The following TTN variants were observed in gnomAD, a reference collection of about 807,000 sequenced individuals.
TTN encodes titin, also known as connectin.
In TTN, 1,525 loss-of-function variants were observed where a neutral mutation model predicts 3,223.0. That is an observed-to-expected ratio of 0.47 (90% confidence interval 0.45 to 0.49). TTN has a LOEUF of 0.49. Among genes scored for constraint, TTN ranks in the 20% least tolerant of loss-of-function variants. The probability of loss-of-function intolerance (pLI) is 0.00; values close to 1 mark genes in which losing one functional copy is unlikely to be tolerated. For missense variants in TTN, 40,786 were observed against 43,424.0 expected, an observed-to-expected ratio of 0.94 and a Z score of 5.40; for synonymous variants, 14,094 against 15,161.0, an observed-to-expected ratio of 0.93 and a Z score of 5.17.
intron 330 of TTN, chr2:178,556,477 T>G (rs1308204567): frequency 9.5e-6 from 2 of 210,796 alleles, no homozygotes; most frequent in African/African-American, 2.4e-5. Flanking sequence ...AACCAAAAAA[T>G]GAAGTCTCTG....
chr2:178,759,904 T>A (rs887613077), intron 43 of TTN, among the ~76,000 whole-genome samples: 1 of 152,188 alleles, frequency 6.6e-6, no homozygotes, highest in Non-Finnish European at 1.5e-5. Context: ...CTTAAAATAA[T>A]AGAAAGTAAA....
Position 178,538,590 on chromosome 2 carries a change from C to T in TTN, c.99239G>A (p.Gly33080Glu), listed in dbSNP as rs762905152. ...EFRVFAENET[G>E]LSRPRRTAMS... ...AGCAGTTCTGCGAGGTCTGCTCAGC[C>T]CAGTCTCATTCTCAGCAAAAACCCT... The change falls in exon 354 of 363, where the codon GGG (glycine) becomes GAG (glutamate). Residue 33080 changes from glycine to glutamate, a missense_variant. Gly to Glu is a moderately conservative substitution (Grantham distance 98). Transcript: ENST00000589042. The T allele has an allele frequency of 4.3e-5, 70 of 1,613,438 alleles. No homozygotes were observed. In the South Asian group the frequency reaches 7.4e-4, roughly 17 times the overall value.
In TTN at chr2:178,757,156, T is replaced by C. The variant is rs6754928; in HGVS notation, c.10679-359A>G. On this transcript the variant is annotated intron_variant, in intron 45 of 362. Coordinates refer to ENST00000589042, the MANE Select transcript of TTN (RefSeq NM_001267550.2). The stretch of plus-strand genomic sequence containing the variant: ...CTCTCCGTCCACTGTATGCTTTAAG[T>C]ACAGTAAGTAATACTGTACTTACTT... 1.1e-3 allele frequency among the ~76,000 whole-genome samples: 160 copies of C among 149,842 alleles called. 4 individuals carry two copies. The highest frequency in any genetic ancestry group is 1.8e-3 in the Non-Finnish European group (121 of 66,828).
chr2:178,728,903 G>A lies in TTN; in HGVS notation c.19135C>T (p.Leu6379Phe), dbSNP rs1448772446. 1.3e-6 allele frequency: 2 copies of A among 1,596,858 alleles called. No homozygotes were observed. Among genetic ancestry groups the A allele is most frequent in the Admixed American group, 1.7e-5 (1 of 58,576 alleles). Residue 6379 changes from leucine (L) to phenylalanine (F), a missense_variant, in exon 65 of 363, where the codon CTT becomes TTT. By Grantham distance (22) the Leu-to-Phe change is conservative. Transcript: ENST00000589042. Reference sequence around the variant, plus strand: ...ATAGCTTACAAACCTTGTACTAAAAGGAAAGCATAACACCTCTCAACTCCT... The same window carrying A: ...ATAGCTTACAAACCTTGTACTAAAAAGAAAGCATAACACCTCTCAACTCCT... ...ESGVERCYAF[L>F]LVQEPAQIVE...
At position 178,620,048 on chromosome 2, in the gene TTN, C is replaced by T. The variant is rs753664074; in HGVS notation, c.46369G>A (p.Glu15457Lys). The T allele has an allele frequency of 1.2e-5, 20 of 1,611,902 alleles. No homozygotes were observed. The Admixed American group carries it at 1.8e-4, about 15-fold the overall frequency. The stretch of plus-strand genomic sequence containing the variant: ...TCTACCCCGCAAGCATATTCACACT[C>T]ATCATCCAGCCTGCAATCTTTTATA... ...LIIKDCRLDD[E>K]CEYACGVEDR... Residue 15457 changes from glutamate to lysine, a missense_variant, in exon 249 of 363, where the codon GAG becomes AAG. By Grantham distance (56) the Glu-to-Lys change is moderately conservative. Transcript: ENST00000589042.
Position 178,561,742 on chromosome 2 carries a change from A to C in TTN, c.84390T>G (p.Cys28130Trp). 1 of 1,613,168 alleles carries C rather than the reference A, an allele frequency of 6.2e-7. No homozygotes were observed. Among genetic ancestry groups the C allele is most frequent in the Non-Finnish European group, 8.5e-7 (1 of 1,179,432 alleles). The stretch of plus-strand genomic sequence containing the variant: ...AGCTCTTTCCATAGCGGTTTTCTGC[A>C]CAAACACGGAACTGATACTCACTTC... ...TTGSEYQFRVCAENRYGKSSY... is the reference protein window; with the variant it reads ...TTGSEYQFRVWAENRYGKSSY... Residue 28130 changes from cysteine (C) to tryptophan (W), a missense_variant, in exon 326 of 363, where the codon TGT becomes TGG. Physicochemically the swap from Cys to Trp is radical, Grantham distance 215 (BLOSUM62 -2). Coordinates refer to ENST00000589042, the MANE Select transcript of TTN (RefSeq NM_001267550.2).
rs372067498 is a variant in TTN, at chr2:178,535,136, G to T, written c.101479C>A (p.Arg33827Ser). 1 of 1,613,598 alleles carries T rather than the reference G, an allele frequency of 6.2e-7. No individual in the cohort carries two copies. The highest frequency in any genetic ancestry group is 1.1e-5 in the South Asian group (1 of 91,080). ...CGATGGACAATTCCAAACTCACCAC[G>T]CCCAAGATCTTCAGCAATCATATAT... ...EKYMIAEDLGRGEFGIVHRCV... is the reference protein window; with the variant it reads ...EKYMIAEDLGSGEFGIVHRCV... Residue 33827 changes from arginine to serine, a missense_variant, in exon 358 of 363, where the codon CGT becomes AGT. Arg to Ser is a moderately radical substitution (Grantham distance 110, BLOSUM62 -1). Coordinates refer to ENST00000589042, the MANE Select transcript of TTN (RefSeq NM_001267550.2).
chr2:178,630,148 T>TCTAA, intron 239 of TTN, 93 bp downstream of exon 239: 2 of 1,551,882 alleles, frequency 1.3e-6, no homozygotes, highest in Non-Finnish European at 1.8e-6. Context: ...AATAATATTT[T>TCTAA]CTAACTAATA....
intron 109 of TTN, 45 bp downstream of exon 109, chr2:178,701,995 C>T: frequency 1.9e-6 from 3 of 1,590,020 alleles, no homozygotes; most frequent in Non-Finnish European, 2.6e-6. Context: ...CAAAATTATG[C>T]CAAATTTATT....
In TTN at chr2:178,581,486, T is replaced by A; in HGVS notation, c.66769+13A>T. ...TAGGAAAAGCCTTATGTACTCCCCC[T>A]GGTAATACTTACTTAAGATGTCCTT... is the stretch of plus-strand genomic sequence containing the variant. On this transcript the variant is annotated intron_variant, in intron 316 of 362. Coordinates refer to ENST00000589042, the MANE Select transcript of TTN (RefSeq NM_001267550.2). 1 of 1,572,570 alleles carries A rather than the reference T, an allele frequency of 6.4e-7. No individual in the cohort carries two copies. The highest frequency in any genetic ancestry group is 8.7e-7 in the Non-Finnish European group (1 of 1,156,018).
rs1373671657 is a variant in TTN at position 178,689,109 on chromosome 2, G to A, written c.32039C>T (p.Pro10680Leu). 1 of 1,609,922 alleles carries A rather than the reference G, an allele frequency of 6.2e-7. No individual in the cohort carries two copies. Among genetic ancestry groups the A allele is most frequent in the South Asian group, 1.1e-5 (1 of 90,110 alleles). Residue 10680 changes from proline to leucine, a missense_variant, in exon 125 of 363, where the codon CCA (proline) becomes CTA (leucine). Coordinates refer to ENST00000589042, the MANE Select transcript of TTN (RefSeq NM_001267550.2). ...AACTGGCACTGCAACTTTCTCCTCT[G>A]GGACGGGTTTCTTAGGCAGAGCTGG... Reference protein sequence around the residue: ...KVPALPKKPVPEEKVAVPVPV... With the variant: ...KVPALPKKPVLEEKVAVPVPV...
chr2:178,748,511 A>G (rs2154327991), intron 47 of TTN: 1 of 1,613,092 alleles, frequency 6.2e-7, no homozygotes, highest in Non-Finnish European at 8.5e-7. Flanking sequence ...TTGGAACTCC[A>G]GAGCTGGATC....
rs1188731609 is a variant in TTN at position 178,534,360 on chromosome 2, G to C, written c.102255C>G (p.Ile34085Met). 6.2e-7 allele frequency: 1 copy of C among 1,611,460 alleles called. No homozygotes were observed. Among genetic ancestry groups the C allele is most frequent in the Admixed American group, 1.7e-5 (1 of 60,004 alleles). The change falls in exon 358 of 363, where the codon ATC becomes ATG. Residue 34085 changes from isoleucine (I) to methionine (M), a missense_variant. Transcript: ENST00000589042. The part of the protein sequence containing the change: ...QKIERVSTKV[I>M]RTLKHRRYYH... ...AATAACGCCGGTGTTTTAATGTTCT[G>C]ATAACTTTAGTACTGACTCTTTCTA... is the stretch of plus-strand genomic sequence containing the variant.
At position 178,620,612 on chromosome 2, in the gene TTN, C is replaced by T. The variant is rs759025428; in HGVS notation, c.45909G>A (p.Arg15303=). 8.7e-6 allele frequency: 14 copies of T among 1,608,152 alleles called. No individual in the cohort carries two copies. The highest frequency in any genetic ancestry group is 1.0e-5 in the Non-Finnish European group (12 of 1,177,914). The change falls in exon 248 of 363, where the codon AGG becomes AGA. Residue 15303 remains arginine (R), a synonymous_variant. Coordinates refer to ENST00000589042, the MANE Select transcript of TTN (RefSeq NM_001267550.2). ...ANLIVEEEDL[R]IVEPLKDIET... Reference sequence around the variant, plus strand: ...CAATATCTTTAAGAGGCTCAACAATCCTAAGGTCTTCCTCTGTTGTAAAGG... The same window carrying T: ...CAATATCTTTAAGAGGCTCAACAATTCTAAGGTCTTCCTCTGTTGTAAAGG...
rs537646910 is a variant in TTN at position 178,600,746 on chromosome 2, A to T, written c.56050+108T>A. The T allele has an allele frequency of 9.8e-4, 1,286 of 1,318,488 alleles. 26 individuals are homozygous for T. The East Asian group carries it at 0.022, about 23-fold the overall frequency. 81.7% of individuals were successfully genotyped at this position (1,318,488 alleles called of 1,614,324 possible). ...GTGCCCATGTCTACATTCAAGCCAT[A>T]GTAGCTTCCTAAGGTACAGATATAG... is the stretch of plus-strand genomic sequence containing the variant. On this transcript the variant is annotated intron_variant, in intron 288 of 362. Coordinates refer to ENST00000589042, the MANE Select transcript of TTN (RefSeq NM_001267550.2).
rs397517816 is a variant in TTN, at chr2:178,747,062, G to A, written c.11312-5141C>T. The A allele has an allele frequency of 2.2e-5, 35 of 1,613,056 alleles. No homozygotes were observed. In the Middle Eastern group the frequency reaches 6.6e-4, roughly 30 times the overall value. Reference sequence around the variant, plus strand: ...AGTAGGAATAGAATATCTCTCTAGTGCCTCCCCTGGGGGTGTGGAATATCG... The same window carrying A: ...AGTAGGAATAGAATATCTCTCTAGTACCTCCCCTGGGGGTGTGGAATATCG... On this transcript the variant is annotated intron_variant, in intron 47 of 362. Transcript: ENST00000589042.
At position 178,577,879 on chromosome 2, in the gene TTN, C is replaced by T. The variant is rs752339637; in HGVS notation, c.68547G>A (p.Glu22849=). Residue 22849 remains glutamate, a synonymous_variant, in exon 323 of 363, where the codon GAG becomes GAA. Transcript: ENST00000589042. ...LDPIDPPGKP[E]VINITRNSVT... Reference sequence around the variant, plus strand: ...CTGAATTCCTTGTTATGTTAATAACCTCAGGTTTTCCAGGAGGATCTAAAA... The same window carrying T: ...CTGAATTCCTTGTTATGTTAATAACTTCAGGTTTTCCAGGAGGATCTAAAA... The T allele has an allele frequency of 1.3e-6, 2 of 1,585,770 alleles. No homozygotes were observed. The highest frequency in any genetic ancestry group is 1.2e-5 in the South Asian group (1 of 85,910).
At chr2:178,664,203 G>A (rs2065429867) in intron 168 of TTN, 105 bp from the exon 169 acceptor site, 1 of 1,148,258 alleles carries the variant, frequency 8.7e-7, no homozygotes, top group Admixed American at 2.7e-5. Context: ...CCTGAGCTGA[G>A]ATCAGTGGTA....
chr2:178,545,522 A>G lies in TTN; in HGVS notation c.95588T>C (p.Val31863Ala). ...RWTRVNKDYV[V>A]YDTRLKVTSL... ...GGTCACCTTCAGCCTGGTATCATAC[A>G]CCACATAGTCTTTGTTGACACGTGT... Residue 31863 changes from valine to alanine, a missense_variant, in exon 344 of 363, where the codon GTG (valine) becomes GCG (alanine). Transcript: ENST00000589042. 6.2e-7 allele frequency: 1 copy of G among 1,613,684 alleles called. No individual in the cohort carries two copies. The highest frequency in any genetic ancestry group is 1.1e-5 in the South Asian group (1 of 91,072).
Sources: allele counts gnomAD v4.1 joint callset (sites outside exome capture counted in the v4.1 genomes callset), GRCh38; gene constraint gnomAD v4.1.1; transcripts MANE v1.5; gene names NCBI Gene and HGNC (gene_info 2026-07-23, HGNC 2026-07-21).